DLC1: variants seen among roughly 807,000 people sequenced by gnomAD.
DLC1 encodes rho GTPase-activating protein 7.
A neutral mutation model predicts 140.3 loss-of-function variants in DLC1; 54 were observed. That is an observed-to-expected ratio of 0.38 (90% confidence interval 0.31 to 0.48). DLC1 has a LOEUF of 0.48. Ranked by LOEUF, DLC1 falls within the 20% of genes least tolerant of loss-of-function variation. The pLI, the probability that DLC1 is intolerant of heterozygous loss-of-function variation, is 0.96. For missense variants in DLC1, 2,536 were observed against 1,907.0 expected (o/e 1.33, Z -6.14); for synonymous variants, 986 against 728.1 (o/e 1.35, Z -5.70).
intron 8 of DLC1, among the ~76,000 whole-genome samples, chr8:13,101,323 T>C (rs1819070773): frequency 1.3e-5 from 2 of 152,172 alleles, no homozygotes; most frequent in Admixed American, 6.5e-5. Context: ...CTGGGATCCA[T>C]AGGCTGTTCT....
In DLC1 at chr8:13,312,873, A is replaced by T. The variant is rs191319145; in HGVS notation, c.1315-7571T>A. On this transcript the variant is annotated intron_variant, in intron 4 of 17. Coordinates refer to ENST00000276297, the MANE Select transcript of DLC1 (RefSeq NM_182643.3). ...CAATTAAGGAGTAATGTAGACATGTAGGCTGATTTCCAGTGAGGATGATAC... is the reference window on the plus strand; with the variant it reads ...CAATTAAGGAGTAATGTAGACATGTTGGCTGATTTCCAGTGAGGATGATAC... 2.9e-3 allele frequency among the ~76,000 whole-genome samples: 447 copies of T among 152,306 alleles called. 3 individuals carry two copies. The highest frequency in any genetic ancestry group is 4.5e-3 in the Non-Finnish European group (309 of 68,020).
intron 5 of DLC1, among the ~76,000 whole-genome samples, chr8:13,289,290 A>G (rs1232123936): frequency 6.6e-6 from 1 of 152,056 alleles, no homozygotes; most frequent in East Asian, 1.9e-4. Context: ...TCCTGAGTTC[A>G]AGCTATCTTC....
At chr8:13,582,735 A>C (rs1805152231) in intron 1 of DLC1, among the ~76,000 whole-genome samples, 1 of 151,338 alleles carries the variant, frequency 6.6e-6, no homozygotes, top group Admixed American at 6.6e-5. Flanking sequence ...GAGAACCCTG[A>C]CTAATACAGT....
At chr8:13,165,733 C>G (rs1391042940) in intron 5 of DLC1, among the ~76,000 whole-genome samples, 1 of 152,190 alleles carries the variant, frequency 6.6e-6, no homozygotes, top group African/African-American at 2.4e-5. Context: ...TTCCCCTACT[C>G]TGGTGAAAAG....
At chr8:13,288,157 A>G (rs1831603287) in intron 5 of DLC1, among the ~76,000 whole-genome samples, 1 of 152,188 alleles carries the variant, frequency 6.6e-6, no homozygotes, top group Admixed American at 6.5e-5. Flanking sequence ...CATGAAATGT[A>G]TACTTATTAA....
At chr8:13,243,018 G>T (rs1025455475) in intron 5 of DLC1, among the ~76,000 whole-genome samples, 2 of 151,920 alleles carry the variant, frequency 1.3e-5, no homozygotes, top group African/African-American at 4.8e-5. Context: ...TTCTCATGAG[G>T]TCTGGTTGTT....
At chr8:13,563,056 G>C (rs963729901) in intron 1 of DLC1, among the ~76,000 whole-genome samples, 2 of 152,132 alleles carry the variant, frequency 1.3e-5, no homozygotes, top group Non-Finnish European at 2.9e-5. Context: ...ATTATCTATA[G>C]GGAACGTAAT....
chr8:13,240,780 G>A (rs541096778), intron 5 of DLC1, among the ~76,000 whole-genome samples: 1 of 152,062 alleles, frequency 6.6e-6, no homozygotes, highest in Admixed American at 6.6e-5. Flanking sequence ...GTTGGTGATG[G>A]CCAATTTCTA....
chr8:13,522,410 A>T (rs1470081693), intron 1 of DLC1, among the ~76,000 whole-genome samples: 1 of 152,088 alleles, frequency 6.6e-6, no homozygotes, highest in Non-Finnish European at 1.5e-5. Flanking sequence ...AGTTCACCTG[A>T]GGTCAGGAGT....
intron 2 of DLC1, among the ~76,000 whole-genome samples, chr8:13,446,099 C>T (rs1043827421): frequency 1.3e-5 from 2 of 152,082 alleles, no homozygotes; most frequent in Non-Finnish European, 2.9e-5. Context: ...AATTACGTTT[C>T]AGAAAAATCA....
In DLC1 at chr8:13,246,325, A is replaced by T. The variant is rs575838903; in HGVS notation, c.1348+58944T>A. ...ATATCTTACACTTCTTTTATTTTATAAGATTGCCAGGTAACTGTTCAGATG... is the reference window on the plus strand; with the variant it reads ...ATATCTTACACTTCTTTTATTTTATTAGATTGCCAGGTAACTGTTCAGATG... On this transcript the variant is annotated intron_variant, in intron 5 of 17. Transcript: ENST00000276297. 3.2e-4 allele frequency among the ~76,000 whole-genome samples: 49 copies of T among 152,356 alleles called. 1 individual carries two copies. Among genetic ancestry groups the T allele is most frequent in the Middle Eastern group, 3.4e-3 (1 of 294 alleles).
chr8:13,211,148 C>T (rs367608412), intron 5 of DLC1, among the ~76,000 whole-genome samples: 19 of 152,162 alleles, frequency 1.2e-4, no homozygotes, highest in Admixed American at 3.9e-4. Flanking sequence ...TTATAAATGC[C>T]GTGGCAACGA....
intron 1 of DLC1, among the ~76,000 whole-genome samples, chr8:13,537,739 C>T (rs1452589340): frequency 2.0e-5 from 3 of 150,336 alleles, no homozygotes; most frequent in East Asian, 3.9e-4. Context: ...CTGCAAGCTC[C>T]GCCTCCCGGG....
intron 2 of DLC1, among the ~76,000 whole-genome samples, chr8:13,429,552 C>T (rs924116828): frequency 4.6e-5 from 7 of 151,922 alleles, no homozygotes; most frequent in Non-Finnish European, 8.8e-5. Flanking sequence ...TGTCATCATG[C>T]AGCAGCAAGT....
chr8:13,396,323 T>G (rs1421165448), intron 3 of DLC1, among the ~76,000 whole-genome samples: 3 of 152,154 alleles, frequency 2.0e-5, no homozygotes, highest in African/African-American at 7.2e-5. Flanking sequence ...CCTCCCAAAG[T>G]GCTGAGATTA....
intron 5 of DLC1, chr8:13,133,281 G>A: frequency 7.6e-7 from 1 of 1,309,020 alleles, no homozygotes; most frequent in African/African-American, 1.6e-5. Context: ...CGGGCAGTCG[G>A]AGCGAACTGT....
At chr8:13,207,913 G>A (rs1055093131) in intron 5 of DLC1, among the ~76,000 whole-genome samples, 4 of 152,172 alleles carry the variant, frequency 2.6e-5, no homozygotes, top group African/African-American at 9.7e-5. Flanking sequence ...ACAGTATTAT[G>A]TATACCCATT....
At chr8:13,121,372 G>A (rs963087809) in intron 5 of DLC1, among the ~76,000 whole-genome samples, 1 of 152,248 alleles carries the variant, frequency 6.6e-6, no homozygotes. Flanking sequence ...AATTTGGCAG[G>A]AATGTTGTGC....
chr8:13,547,223 TA>T (rs1438946353), intron 1 of DLC1, among the ~76,000 whole-genome samples: 1 of 152,092 alleles, frequency 6.6e-6, no homozygotes, highest in Admixed American at 6.6e-5. Context: ...ACAATTTTTT[TA>T]TGACCTTCTG....
Sources: allele counts gnomAD v4.1 joint callset (sites outside exome capture counted in the v4.1 genomes callset), GRCh38; gene constraint gnomAD v4.1.1; transcripts MANE v1.5; gene names NCBI Gene and HGNC (gene_info 2026-07-23, HGNC 2026-07-21).